Variants in ATP2B2 observed in about 807,000 individuals in gnomAD.
ATP2B2 encodes the protein ATPase plasma membrane Ca2+ transporting 2.
Under a neutral mutation model 120.0 loss-of-function variants are expected in ATP2B2, and 15 were observed. The ratio of observed to expected loss-of-function variants is 0.12; its 90% CI spans 0.08 to 0.19. The LOEUF (loss-of-function observed/expected upper bound fraction) is 0.19. ATP2B2 is among the 10% of genes least tolerant of loss of function. The pLI is 1.00. For missense variants in ATP2B2, 1,045 were observed against 1,719.8 expected, an observed-to-expected ratio of 0.61 and a Z score of 6.94; for synonymous variants, 694 against 700.3, an observed-to-expected ratio of 0.99 and a Z score of 0.14.
chr3:10,472,237 G>A (rs2125288343), intron 1 of ATP2B2, among the ~76,000 whole-genome samples: 1 of 152,304 alleles, frequency 6.6e-6, no homozygotes, highest in Non-Finnish European at 1.5e-5. Flanking sequence ...AAGAGTGAGG[G>A]CAGTGGCCAA....
In ATP2B2 at chr3:10,449,591, C is replaced by G. The variant is rs2063962886; in HGVS notation, c.-48G>C. 1 of 1,609,062 alleles carries G rather than the reference C, an allele frequency of 6.2e-7. No individual in the cohort carries two copies. The highest frequency in any genetic ancestry group is 8.5e-7 in the Non-Finnish European group (1 of 1,175,664). ...GCTGGGCCCAAGGGTCAGCGCTGGA[C>G]AAGAGGCTGCCGGGTGATGGCTGCT... On this transcript the variant is annotated 5_prime_UTR_variant, in exon 2 of 23. Coordinates refer to ENST00000360273, the MANE Select transcript of ATP2B2 (RefSeq NM_001001331.4).
At chr3:10,555,657 C>T (rs1204723616) in intron 2 of ATP2B2, among the ~76,000 whole-genome samples, 1 of 152,216 alleles carries the variant, frequency 6.6e-6, no homozygotes, top group Non-Finnish European at 1.5e-5. Context: ...TTTGTCTCTT[C>T]CCCTGTTGAA....
chr3:10,342,575 C>T lies in ATP2B2; in HGVS notation c.2917+177G>A, dbSNP rs1356613980. Reference sequence around the variant, plus strand: ...TAGCCAGAGCTGGGACAGGGCCAGGCCCTGTTCAAGACTTGCTGGTGTGAC... The same window carrying T: ...TAGCCAGAGCTGGGACAGGGCCAGGTCCTGTTCAAGACTTGCTGGTGTGAC... On this transcript the variant is annotated intron_variant, in intron 19 of 22. Transcript: ENST00000360273. The surrounding 1 kb of genome is among the most constrained non-coding windows in gnomAD (Gnocchi z 4.4). 6.6e-6 allele frequency among the ~76,000 whole-genome samples: 1 copy of T among 152,012 alleles called. No homozygotes were observed. Among genetic ancestry groups the T allele is most frequent in the Non-Finnish European group, 1.5e-5 (1 of 67,978 alleles).
At chr3:10,513,803 A>C (rs1052500028) in intron 3 of ATP2B2, among the ~76,000 whole-genome samples, 1 of 152,174 alleles carries the variant, frequency 6.6e-6, no homozygotes, top group East Asian at 1.9e-4. Flanking sequence ...TGAAAGCTGT[A>C]GGCTCAGGAC....
intron 1 of ATP2B2, among the ~76,000 whole-genome samples, chr3:10,489,313 C>T (rs1422394940): frequency 6.6e-6 from 1 of 152,212 alleles, no homozygotes; most frequent in Non-Finnish European, 1.5e-5. Flanking sequence ...CTCCACAGGG[C>T]AGTGAACAGA....
At chr3:10,360,229 G>A (rs1415742029) in intron 12 of ATP2B2, 106 bp from the exon 13 acceptor site, 2 of 1,469,976 alleles carry the variant, frequency 1.4e-6, no homozygotes, top group African/African-American at 2.8e-5. Flanking sequence ...TGGTCTCTGG[G>A]CTGGGGGCTG....
chr3:10,688,015 T>C, intron 1 of ATP2B2, among the ~76,000 whole-genome samples: 1 of 152,212 alleles, frequency 6.6e-6, no homozygotes, highest in Middle Eastern at 3.2e-3. Context: ...ATATATAAAA[T>C]ACACACATTA....
chr3:10,400,772 A>G (rs1204663399), intron 5 of ATP2B2, among the ~76,000 whole-genome samples, 181 bp downstream of exon 5: 2 of 152,226 alleles, frequency 1.3e-5, no homozygotes, highest in African/African-American at 2.4e-5. Flanking sequence ...CTGAGTGCAC[A>G]GTAGGCTCAA....
At chr3:10,568,116 T>C (rs1411019122) in intron 2 of ATP2B2, among the ~76,000 whole-genome samples, 1 of 152,232 alleles carries the variant, frequency 6.6e-6, no homozygotes, top group African/African-American at 2.4e-5. Context: ...AGCCTGGTCC[T>C]GCCCAGAGTG....
rs1212462792 is a variant in ATP2B2 at position 10,329,341 on chromosome 3, T to C, written c.3421-216A>G. Among the ~76,000 whole-genome samples, 1 of 152,000 alleles carries C rather than the reference T, an allele frequency of 6.6e-6. No homozygotes were observed. Among genetic ancestry groups the C allele is most frequent in the Non-Finnish European group, 1.5e-5 (1 of 68,002 alleles). On this transcript the variant is annotated intron_variant, in intron 22 of 22. Coordinates refer to ENST00000360273, the MANE Select transcript of ATP2B2 (RefSeq NM_001001331.4). The surrounding 1 kb of genome is among the most constrained non-coding windows in gnomAD (Gnocchi z 5.9). ...AGCTGGTTTTTAAAAATCTCTTTGG[T>C]TTTGGTAGAAACTAGTGTTAGGACA...
chr3:10,453,158 C>A lies in ATP2B2; in HGVS notation c.-319-3296G>T, dbSNP rs80106216. On this transcript the variant is annotated intron_variant, in intron 1 of 22. Transcript: ENST00000360273. ...TATGCATAGGGCTCTGGAAACCACTCATTCTGAGTTCAAATTCTGGCTCCT... is the reference window on the plus strand; with the variant it reads ...TATGCATAGGGCTCTGGAAACCACTAATTCTGAGTTCAAATTCTGGCTCCT... Among the ~76,000 whole-genome samples the A allele has an allele frequency of 6.4e-3, 971 of 152,342 alleles. 15 individuals are homozygous for A. The highest frequency in any genetic ancestry group is 0.041 in the South Asian group (198 of 4,828).
intron 3 of ATP2B2, among the ~76,000 whole-genome samples, chr3:10,528,254 C>T (rs768188810): frequency 4.6e-5 from 7 of 152,198 alleles, no homozygotes; most frequent in East Asian, 3.9e-4. Flanking sequence ...GTGGCTACGA[C>T]GCGTGCATCT....
At chr3:10,369,562 ATTTG>A (rs2061167178) in intron 12 of ATP2B2, among the ~76,000 whole-genome samples, 1 of 151,850 alleles carries the variant, frequency 6.6e-6, no homozygotes, top group Non-Finnish European at 1.5e-5. Context: ...TGCTCTCTTT[ATTTG>A]TTAACCTCTG....
intron 1 of ATP2B2, among the ~76,000 whole-genome samples, chr3:10,465,989 G>T (rs1172520921): frequency 6.6e-6 from 1 of 152,222 alleles, no homozygotes; most frequent in Non-Finnish European, 1.5e-5. Flanking sequence ...AAGCTCAGAA[G>T]AGGCCCTGAC....
intron 1 of ATP2B2, among the ~76,000 whole-genome samples, chr3:10,696,401 C>G (rs539284035): frequency 6.6e-6 from 1 of 152,170 alleles, no homozygotes; most frequent in African/African-American, 2.4e-5. Flanking sequence ...TGATTCCTCT[C>G]TCTCTCTCTC....
At chr3:10,386,598 C>A (rs1413482636) in intron 6 of ATP2B2, 86 bp from the exon 7 acceptor site, 3 of 1,415,742 alleles carry the variant, frequency 2.1e-6, no homozygotes, top group Non-Finnish European at 3.0e-6. Context: ...CACAAACACA[C>A]ATGTGCATAC....
chr3:10,495,943 TCTGGAG>T (rs2066130481), intron 1 of ATP2B2, among the ~76,000 whole-genome samples: 1 of 152,218 alleles, frequency 6.6e-6, no homozygotes, highest in South Asian at 2.1e-4. Context: ...AGGAGTTGTT[TCTGGAG>T]CTGATTCATC....
upstream of ATP2B2, among the ~76,000 whole-genome samples, chr3:10,507,666 G>C (rs1160079440): frequency 1.3e-5 from 2 of 152,196 alleles, no homozygotes; most frequent in African/African-American, 4.8e-5. Flanking sequence ...GAAGCAGCCT[G>C]TTATGAGCCA....
intron 1 of ATP2B2, among the ~76,000 whole-genome samples, chr3:10,480,540 G>C (rs567488495): frequency 6.6e-6 from 1 of 152,154 alleles, no homozygotes; most frequent in African/African-American, 2.4e-5. Context: ...GCCTATGTGG[G>C]ACTAGTTCCT....
Sources: allele counts gnomAD v4.1 joint callset (sites outside exome capture counted in the v4.1 genomes callset), GRCh38; gene constraint gnomAD v4.1.1; non-coding constraint Gnocchi (gnomAD v3.1); transcripts MANE v1.5; gene names NCBI Gene and HGNC (gene_info 2026-07-23, HGNC 2026-07-21).